The following TBC1D32 variants were observed in gnomAD, a reference collection of about 807,000 sequenced individuals.
TBC1D32 encodes protein broad-minded.
A neutral mutation model predicts 170.3 loss-of-function variants in TBC1D32; 151 were observed. The ratio of observed to expected loss-of-function variants is 0.89; its 90% confidence interval spans 0.78 to 1.01. TBC1D32 has a LOEUF of 1.01. Among genes scored for constraint, TBC1D32 ranks in the 50% least tolerant of loss-of-function variants. The probability of loss-of-function intolerance (pLI) is 0.00; values close to 1 mark genes in which losing one functional copy is unlikely to be tolerated. For missense variants in TBC1D32, 1,464 were observed against 1,457.1 expected (o/e 1.00, Z -0.08); for synonymous variants, 498 against 488.0 (o/e 1.02, Z -0.27).
At chr6:121,286,742 C>A (rs1252793176) in intron 12 of TBC1D32, among the ~76,000 whole-genome samples, 3 of 152,166 alleles carry the variant, frequency 2.0e-5, no homozygotes, top group Non-Finnish European at 4.4e-5. Context: ...ATGTAAAGGG[C>A]AGCCAGAGAG....
intron 24 of TBC1D32, among the ~76,000 whole-genome samples, chr6:121,149,036 A>T (rs1783850211): frequency 1.3e-5 from 2 of 151,822 alleles, no homozygotes; most frequent in African/African-American, 4.8e-5. Context: ...TTTCATGTTT[A>T]TTGGCTGCAT....
chr6:121,221,584 G>A (rs1381068885), intron 21 of TBC1D32, among the ~76,000 whole-genome samples: 7 of 152,214 alleles, frequency 4.6e-5, no homozygotes, highest in African/African-American at 1.7e-4. Context: ...ACATTAACAG[G>A]AGTTTGGAAG....
At chr6:121,296,142 A>C (rs1025761904) in intron 10 of TBC1D32, among the ~76,000 whole-genome samples, 2 of 152,196 alleles carry the variant, frequency 1.3e-5, no homozygotes, top group African/African-American at 4.8e-5. Flanking sequence ...TCAATGCTGA[A>C]AGAGTTAAGC....
intron 26 of TBC1D32, among the ~76,000 whole-genome samples, chr6:121,122,559 A>AC (rs1780380296): frequency 6.6e-6 from 1 of 151,898 alleles, no homozygotes; most frequent in African/African-American, 2.4e-5. Flanking sequence ...AGTGTGGTAA[A>AC]AAAAAAAGAA....
At chr6:121,289,560 A>C (rs1804484020) in intron 12 of TBC1D32, among the ~76,000 whole-genome samples, 1 of 152,230 alleles carries the variant, frequency 6.6e-6, no homozygotes, top group South Asian at 2.1e-4. Flanking sequence ...TATCGTGACA[A>C]TGGCCATACT....
chr6:121,325,387 G>A (rs1473910245), intron 1 of TBC1D32, among the ~76,000 whole-genome samples: 2 of 151,302 alleles, frequency 1.3e-5, no homozygotes, highest in Non-Finnish European at 2.9e-5. Flanking sequence ...TAAGATACAA[G>A]GCTAACCAAA....
intron 17 of TBC1D32, among the ~76,000 whole-genome samples, chr6:121,248,684 G>C (rs1797931052): frequency 6.6e-6 from 1 of 151,654 alleles, no homozygotes; most frequent in South Asian, 2.1e-4. Context: ...ACCTTTATGT[G>C]CACAAACTAG....
intron 22 of TBC1D32, among the ~76,000 whole-genome samples, chr6:121,187,192 A>G (rs1381587808): frequency 6.6e-6 from 1 of 152,128 alleles, no homozygotes; most frequent in Non-Finnish European, 1.5e-5. Flanking sequence ...CCCTTCTCTC[A>G]GGGGCACTTA....
At chr6:121,311,779 A>C (rs1808248326) in intron 3 of TBC1D32, among the ~76,000 whole-genome samples, 1 of 152,086 alleles carries the variant, frequency 6.6e-6, no homozygotes, top group African/African-American at 2.4e-5. Context: ...GGCTGTGGAG[A>C]AATAGGAATG....
At chr6:121,186,942 G>A (rs1461078914) in intron 22 of TBC1D32, among the ~76,000 whole-genome samples, 2 of 151,772 alleles carry the variant, frequency 1.3e-5, no homozygotes, top group African/African-American at 4.8e-5. Context: ...GCTTAGAATG[G>A]TCCTGCCAAC....
At chr6:121,277,487 C>CAAAAAAAAA (rs755504493) in intron 15 of TBC1D32, among the ~76,000 whole-genome samples, 3 of 28,212 alleles carry the variant, frequency 1.1e-4, no homozygotes, top group South Asian at 2.0e-3. Flanking sequence ...GACTCCATCT[C>CAAAAAAAAA]AAAAAAAAAA....
At chr6:121,086,899 C>A (rs1776321757) in intron 31 of TBC1D32, among the ~76,000 whole-genome samples, 2 of 152,156 alleles carry the variant, frequency 1.3e-5, no homozygotes, top group African/African-American at 2.4e-5. Flanking sequence ...GAAAGAATAT[C>A]CCAGTTGCTG....
At chr6:121,107,525 C>T (rs907855546) in intron 29 of TBC1D32, among the ~76,000 whole-genome samples, 3 of 151,462 alleles carry the variant, frequency 2.0e-5, no homozygotes, top group Admixed American at 6.6e-5. Context: ...AACTTTATAT[C>T]GATATGTAGA....
At chr6:121,122,932 T>C (rs888802762) in intron 26 of TBC1D32, among the ~76,000 whole-genome samples, 1 of 151,990 alleles carries the variant, frequency 6.6e-6, no homozygotes, top group African/African-American at 2.4e-5. Context: ...ATGGGTACCA[T>C]GATAATAAGC....
chr6:121,141,879 G>T (rs1001608315), intron 24 of TBC1D32, among the ~76,000 whole-genome samples: 1 of 152,106 alleles, frequency 6.6e-6, no homozygotes, highest in Non-Finnish European at 1.5e-5. Flanking sequence ...AAAGGTTATG[G>T]CTAAAGGCAG....
chr6:121,263,723 G>C (rs903610153), intron 15 of TBC1D32, among the ~76,000 whole-genome samples: 1 of 152,108 alleles, frequency 6.6e-6, no homozygotes, highest in African/African-American at 2.4e-5. Flanking sequence ...AAATGCAAAA[G>C]AAATGAAATC....
chr6:121,334,572 C>A (rs1811648455), upstream of TBC1D32: 3 of 965,642 alleles, frequency 3.1e-6, no homozygotes, highest in Non-Finnish European at 4.5e-6. Context: ...CCTGTGCCTG[C>A]GCCCTCAGCT....
intron 24 of TBC1D32, among the ~76,000 whole-genome samples, chr6:121,144,697 C>T (rs934400158): frequency 6.6e-6 from 1 of 151,790 alleles, no homozygotes; most frequent in Non-Finnish European, 1.5e-5. Context: ...GAGTTCAAGG[C>T]AAAGATAAGT....
intron 12 of TBC1D32, among the ~76,000 whole-genome samples, chr6:121,291,644 C>T (rs1463244131): frequency 6.6e-6 from 1 of 152,016 alleles, no homozygotes; most frequent in Non-Finnish European, 1.5e-5. Flanking sequence ...TATTTGCAAC[C>T]TCATTTCTCT....
Sources: gnomAD v4.1 joint callset for allele counts (sites outside exome capture counted in the v4.1 genomes callset) on GRCh38, gnomAD v4.1.1 for gene constraint, MANE v1.5 for transcripts, NCBI Gene and HGNC (gene_info 2026-07-23, HGNC 2026-07-21) for gene names.